The following NKAIN2 variants were observed in gnomAD, a reference collection of about 807,000 sequenced individuals.
NKAIN2 encodes the protein sodium/potassium transporting ATPase interacting 2, also known as sodium/potassium-transporting ATPase subunit beta-1-interacting protein 2.
A neutral mutation model predicts 32.6 loss-of-function variants in NKAIN2; 14 were observed. The observed-to-expected ratio is 0.43, with a 90% CI of 0.28 to 0.67. NKAIN2 has a LOEUF of 0.67. NKAIN2 is among the 30% of genes least tolerant of loss of function. The pLI is 0.17. For synonymous variants in NKAIN2, 80 were observed against 87.2 expected, an observed-to-expected ratio of 0.92 and a Z score of 0.46; for missense variants, 198 against 258.3, an observed-to-expected ratio of 0.77 and a Z score of 1.60.
At chr6:124,348,868 C>T (rs1247963106) in intron 2 of NKAIN2, among the ~76,000 whole-genome samples, 2 of 152,096 alleles carry the variant, frequency 1.3e-5, no homozygotes, top group East Asian at 3.9e-4. Context: ...ACAGACAACA[C>T]CTGGAAAATC....
chr6:124,309,683 T>A (rs1796641420), intron 2 of NKAIN2, among the ~76,000 whole-genome samples: 1 of 152,162 alleles, frequency 6.6e-6, no homozygotes, highest in Non-Finnish European at 1.5e-5. Flanking sequence ...GTCTTTGTCA[T>A]CTCAATTGTA....
chr6:123,815,090 A>G (rs1384125605), intron 1 of NKAIN2, among the ~76,000 whole-genome samples: 1 of 152,180 alleles, frequency 6.6e-6, no homozygotes, highest in Non-Finnish European at 1.5e-5. Flanking sequence ...CAATTAGGAT[A>G]TGATGTAACT....
intron 1 of NKAIN2, among the ~76,000 whole-genome samples, chr6:124,091,373 TTA>T (rs1784412196): frequency 1.3e-5 from 2 of 151,990 alleles, no homozygotes. Context: ...ATACACATAT[TTA>T]TATGTTTATA....
chr6:123,883,726 T>A (rs1562238164), intron 1 of NKAIN2, among the ~76,000 whole-genome samples: 4 of 149,934 alleles, frequency 2.7e-5, no homozygotes, highest in African/African-American at 9.8e-5. Context: ...AGGTACATTT[T>A]AAAAAAATGT....
At chr6:124,095,659 ACTTAC>A (rs928231646) in intron 1 of NKAIN2, among the ~76,000 whole-genome samples, 7 of 152,136 alleles carry the variant, frequency 4.6e-5, no homozygotes, top group African/African-American at 7.2e-5. Flanking sequence ...AATGTATTCC[ACTTAC>A]CTTAGTAAGT....
At chr6:124,415,043 G>A (rs1036155960) in intron 3 of NKAIN2, among the ~76,000 whole-genome samples, 3 of 151,966 alleles carry the variant, frequency 2.0e-5, no homozygotes, top group African/African-American at 7.2e-5. Context: ...ACTTCTGTGA[G>A]CAAATATTTG....
At chr6:124,677,528 G>C (rs1226446485) in intron 4 of NKAIN2, among the ~76,000 whole-genome samples, 1 of 151,774 alleles carries the variant, frequency 6.6e-6, no homozygotes, top group African/African-American at 2.4e-5. Context: ...GTTACTATGA[G>C]ATTTATTTAA....
intron 3 of NKAIN2, among the ~76,000 whole-genome samples, chr6:124,398,179 G>T (rs533699401): frequency 1.2e-4 from 17 of 147,652 alleles, no homozygotes; most frequent in African/African-American, 4.3e-4. Context: ...CCTGAACCTG[G>T]GAGGCGGAGC....
intron 1 of NKAIN2, among the ~76,000 whole-genome samples, chr6:123,837,943 C>G (rs899905442): frequency 6.6e-6 from 1 of 152,076 alleles, no homozygotes; most frequent in Admixed American, 6.6e-5. Flanking sequence ...TGACTTTGCT[C>G]TGAGAAAGGA....
At chr6:124,646,609 C>T (rs1784178790) in intron 3 of NKAIN2, among the ~76,000 whole-genome samples, 1 of 152,164 alleles carries the variant, frequency 6.6e-6, no homozygotes, top group South Asian at 2.1e-4. Flanking sequence ...CACCCAGTTA[C>T]TTCCTTTAGA....
At chr6:124,230,515 A>G (rs9320983) in intron 1 of NKAIN2, among the ~76,000 whole-genome samples, 106,769 of 152,056 alleles carry the variant, frequency 0.7, 37,654 homozygotes, top group South Asian at 0.76. Flanking sequence ...GCCTTTTCCA[A>G]CAGACCCTGC....
intron 3 of NKAIN2, among the ~76,000 whole-genome samples, chr6:124,561,026 A>C (rs142507241): frequency 1.8e-4 from 27 of 152,254 alleles, no homozygotes; most frequent in African/African-American, 6.3e-4. Context: ...TGGGCAGGTC[A>C]CCTAGGAAAA....
chr6:124,407,400 G>C (rs1021535287), intron 3 of NKAIN2, among the ~76,000 whole-genome samples: 2 of 141,670 alleles, frequency 1.4e-5, no homozygotes, highest in Non-Finnish European at 3.0e-5. Context: ...CTGTGTCCTT[G>C]TGTTCTCATT....
chr6:124,364,671 A>G (rs1799442569), intron 3 of NKAIN2, among the ~76,000 whole-genome samples: 1 of 151,992 alleles, frequency 6.6e-6, no homozygotes, highest in South Asian at 2.1e-4. Context: ...AAATGAAAGC[A>G]TTTTTCAACA....
chr6:124,490,685 T>C (rs1777829118), intron 3 of NKAIN2, among the ~76,000 whole-genome samples: 1 of 151,750 alleles, frequency 6.6e-6, no homozygotes, highest in Non-Finnish European at 1.5e-5. Flanking sequence ...TCTACTTAGT[T>C]TGAAAATCTC....
At chr6:123,904,890 G>A (rs779766917) in intron 1 of NKAIN2, among the ~76,000 whole-genome samples, 10 of 152,062 alleles carry the variant, frequency 6.6e-5, no homozygotes, top group Non-Finnish European at 1.2e-4. Flanking sequence ...TTTGGATTGC[G>A]TGTTGTAAAT....
intron 1 of NKAIN2, among the ~76,000 whole-genome samples, chr6:124,270,359 A>G (rs1794700495): frequency 1.3e-5 from 2 of 152,064 alleles, no homozygotes; most frequent in South Asian, 4.2e-4. Context: ...CTGTCTATAC[A>G]TTGTTTCTCT....
intron 3 of NKAIN2, among the ~76,000 whole-genome samples, chr6:124,418,827 C>T (rs141196756): frequency 1.3e-4 from 19 of 151,854 alleles, no homozygotes; most frequent in African/African-American, 3.9e-4. Flanking sequence ...ACTGGAATAA[C>T]GGATCATTTG....
chr6:124,352,833 C>G (rs1408363518), intron 2 of NKAIN2, among the ~76,000 whole-genome samples: 1 of 152,114 alleles, frequency 6.6e-6, no homozygotes, highest in Admixed American at 6.5e-5. Flanking sequence ...CTGCTTAGCC[C>G]CCTAATTCTG....
Sources: allele counts gnomAD v4.1 joint callset (sites outside exome capture counted in the v4.1 genomes callset), GRCh38; gene constraint gnomAD v4.1.1; transcripts MANE v1.5; gene names NCBI Gene and HGNC (gene_info 2026-07-23, HGNC 2026-07-21).